The following NIPAL2 variants were observed in gnomAD, a reference collection of about 807,000 sequenced individuals.
The protein encoded by NIPAL2 is NIPA like domain containing 2.
In NIPAL2, 43 loss-of-function variants were observed where a neutral mutation model predicts 48.9. The ratio of observed to expected loss-of-function variants is 0.88; its 90% confidence interval spans 0.69 to 1.13. NIPAL2 has a LOEUF of 1.13. Ranked by LOEUF, NIPAL2 falls within the 50% of genes most tolerant of loss-of-function variation. The pLI, the probability that NIPAL2 is intolerant of heterozygous loss-of-function variation, is 0.00. For synonymous variants in NIPAL2, 167 were observed against 174.6 expected, an observed-to-expected ratio of 0.96 and a Z score of 0.34; for missense variants, 446 against 461.4, an observed-to-expected ratio of 0.97 and a Z score of 0.31.
intron 1 of NIPAL2, among the ~76,000 whole-genome samples, chr8:98,281,730 G>A (rs954427477): frequency 6.6e-6 from 1 of 152,224 alleles, no homozygotes; most frequent in Non-Finnish European, 1.5e-5. Context: ...TCTAATAGAG[G>A]TGTGCTCCGC....
At chr8:98,208,893 T>C (rs532297949) in intron 6 of NIPAL2, among the ~76,000 whole-genome samples, 17 of 152,324 alleles carry the variant, frequency 1.1e-4, no homozygotes, top group Middle Eastern at 3.4e-3. Context: ...ATCATGTACT[T>C]TGTTACGTCT....
intron 8 of NIPAL2, 24 bp from the exon 9 acceptor site, chr8:98,196,029 A>G (rs1810528137): frequency 6.9e-7 from 1 of 1,448,148 alleles, no homozygotes. Context: ...AAAGAAGACA[A>G]AATTGATTTT....
chr8:98,294,011 T>G lies in NIPAL2; in HGVS notation c.127A>C (p.Arg43=). The G allele has an allele frequency of 6.7e-7, 1 of 1,492,186 alleles. No homozygotes were observed. Among genetic ancestry groups the G allele is most frequent in the Non-Finnish European group, 8.9e-7 (1 of 1,120,484 alleles). The allele number at this position is 1,492,186 out of a possible 1,614,324, so 92.4% of individuals were successfully genotyped here. A position where few individuals can be genotyped will look rare whatever the true frequency, so the allele number is the denominator to read the frequency against. ...NGSLSGDWYR[R]NQIHLFGVLL... is the part of the protein sequence containing the mutation. ...TGCGGGGCGGCCCTTACCTGGTTCC[T>G]GCGGTACCAGTCGCCCGAGAGGGAG... The change falls in exon 1 of 11, where the codon AGG becomes CGG. Residue 43 remains arginine (R), a synonymous_variant. Transcript: ENST00000430223.
chr8:98,265,429 T>A, intron 1 of NIPAL2, among the ~76,000 whole-genome samples: 1 of 122,286 alleles, frequency 8.2e-6, no homozygotes, highest in African/African-American at 3.1e-5. Flanking sequence ...TCAAACAAAT[T>A]TACAAGAAAA....
At position 98,224,489 on chromosome 8, in the gene NIPAL2, A is replaced by G. The variant is rs114766434; in HGVS notation, c.437-1889T>C. On this transcript the variant is annotated intron_variant, in intron 4 of 10. Coordinates refer to ENST00000430223, the MANE Select transcript of NIPAL2 (RefSeq NM_001321635.2). Reference sequence around the variant, plus strand: ...TACTGGTATTCTACCTCATGGAGGTAGTACTGTTTACTGAACCAGTTTCCA... The same window carrying G: ...TACTGGTATTCTACCTCATGGAGGTGGTACTGTTTACTGAACCAGTTTCCA... Among the ~76,000 whole-genome samples the G allele has an allele frequency of 7.0e-3, 1,064 of 151,902 alleles. 14 individuals carry two copies. The highest frequency in any genetic ancestry group is 0.023 in the African/African-American group (967 of 41,510).
At chr8:98,274,285 C>A (rs1459362302) in intron 1 of NIPAL2, among the ~76,000 whole-genome samples, 1 of 151,924 alleles carries the variant, frequency 6.6e-6, no homozygotes, top group Non-Finnish European at 1.5e-5. Context: ...ATCTATCTAT[C>A]TATCCATCCA....
At chr8:98,238,581 A>G (rs1471218435) in intron 3 of NIPAL2, among the ~76,000 whole-genome samples, 1 of 151,942 alleles carries the variant, frequency 6.6e-6, no homozygotes, top group African/African-American at 2.4e-5. Flanking sequence ...ACCCTCATGC[A>G]GGATAAGATG....
At chr8:98,236,697 A>G (rs1297909157) in intron 3 of NIPAL2, among the ~76,000 whole-genome samples, 3 of 151,858 alleles carry the variant, frequency 2.0e-5, no homozygotes, top group Admixed American at 1.3e-4. Context: ...CTTAAAATAC[A>G]AAAAATTAGT....
chr8:98,272,128 A>G (rs1815173358), intron 1 of NIPAL2, among the ~76,000 whole-genome samples: 1 of 152,070 alleles, frequency 6.6e-6, no homozygotes, highest in Admixed American at 6.6e-5. Context: ...TTCGCTTCCT[A>G]TAGATGAGGA....
chr8:98,204,461 A>G (rs1018348508), intron 7 of NIPAL2, among the ~76,000 whole-genome samples: 3 of 152,196 alleles, frequency 2.0e-5, no homozygotes, highest in Non-Finnish European at 2.9e-5. Flanking sequence ...AAGAAAGCCC[A>G]GCAGGCAAAG....
intron 3 of NIPAL2, chr8:98,252,187 C>A: frequency 3.0e-6 from 1 of 327,982 alleles, no homozygotes; most frequent in Non-Finnish European, 5.5e-6. Context: ...ATTACAAGCA[C>A]AGTATAACAT....
intron 1 of NIPAL2, 37 bp downstream of exon 1, chr8:98,293,965 TC>T: frequency 2.2e-6 from 3 of 1,390,626 alleles, no homozygotes; most frequent in Non-Finnish European, 2.8e-6. Context: ...CCTGGCCGCG[TC>T]CCCACCGGGC....
At chr8:98,211,152 G>A (rs1229801386) in intron 6 of NIPAL2, among the ~76,000 whole-genome samples, 1 of 152,154 alleles carries the variant, frequency 6.6e-6, no homozygotes, top group Admixed American at 6.5e-5. Context: ...CAATCTGGAA[G>A]TTTCCCTGAT....
chr8:98,264,646 G>A lies in NIPAL2; in HGVS notation c.136-10559C>T, dbSNP rs1344606406. ...AAATAAAAGAGGATACAAACAAATGGAAGAACATTCCATGCTCATGGGTAG... is the reference window on the plus strand; with the variant it reads ...AAATAAAAGAGGATACAAACAAATGAAAGAACATTCCATGCTCATGGGTAG... On this transcript the variant is annotated intron_variant, in intron 1 of 10. Transcript: ENST00000430223. Among the ~76,000 whole-genome samples, 4 of 150,428 alleles carry A rather than the reference G, an allele frequency of 2.7e-5. No individual in the cohort carries two copies. The East Asian group carries it at 8.2e-4, about 31-fold the overall frequency.
chr8:98,270,197 AC>A (rs1421633983), intron 1 of NIPAL2, among the ~76,000 whole-genome samples: 1 of 152,176 alleles, frequency 6.6e-6, no homozygotes, highest in Non-Finnish European at 1.5e-5. Flanking sequence ...TTGGGTATAT[AC>A]CCAGTAATGG....
chr8:98,205,347 G>T (rs920536858), intron 6 of NIPAL2, 101 bp from the exon 7 acceptor site: 92 of 1,042,846 alleles, frequency 8.8e-5, no homozygotes, highest in Non-Finnish European at 1.2e-4. Flanking sequence ...ACCAATTATG[G>T]TTTAAGAATG....
intron 3 of NIPAL2, among the ~76,000 whole-genome samples, chr8:98,247,374 A>C (rs143884908): frequency 6.6e-6 from 1 of 152,316 alleles, no homozygotes; most frequent in African/African-American, 2.4e-5. Context: ...CCTGGGTCTC[A>C]GTTAAATGGT....
Position 98,203,703 on chromosome 8 carries a change from C to T in NIPAL2, c.792-507G>A, listed in dbSNP as rs139725156. ...CTGGCCACCAACACAAATGCAGTTC[C>T]CACAACTGTGCTGTGCTGCCCTGCT... is the stretch of plus-strand genomic sequence containing the variant. On this transcript the variant is annotated intron_variant, in intron 7 of 10. Transcript: ENST00000430223. 9.2e-5 allele frequency among the ~76,000 whole-genome samples: 14 copies of T among 152,292 alleles called. No individual in the cohort carries two copies. In the East Asian group the frequency reaches 2.7e-3, roughly 29 times the overall value.
intron 6 of NIPAL2, among the ~76,000 whole-genome samples, chr8:98,211,100 G>C (rs1210783593): frequency 6.6e-6 from 1 of 152,160 alleles, no homozygotes; most frequent in Non-Finnish European, 1.5e-5. Context: ...AGCTGTACTA[G>C]TGCAAATTGG....
Sources: allele counts gnomAD v4.1 joint callset (sites outside exome capture counted in the v4.1 genomes callset), GRCh38; gene constraint gnomAD v4.1.1; transcripts MANE v1.5; gene names NCBI Gene and HGNC (gene_info 2026-07-23, HGNC 2026-07-21).